FBLN5: variants seen among roughly 807,000 people sequenced by gnomAD.
FBLN5 encodes fibulin-5.
FBLN5 carries 24 observed loss-of-function variants against 61.6 expected under a neutral mutation model. The observed-to-expected ratio is 0.39, with a 90% CI of 0.28 to 0.55. FBLN5 has a LOEUF of 0.55. FBLN5 is among the 20% of genes least tolerant of loss of function. FBLN5 has a pLI of 0.65. For missense variants in FBLN5, 470 were observed against 594.1 expected, an observed-to-expected ratio of 0.79 and a Z score of 2.17; for synonymous variants, 213 against 219.8, an observed-to-expected ratio of 0.97 and a Z score of 0.27.
intron 5 of FBLN5, among the ~76,000 whole-genome samples, chr14:91,892,607 G>C (rs1258073887): frequency 6.6e-6 from 1 of 152,226 alleles, no homozygotes; most frequent in Non-Finnish European, 1.5e-5. Flanking sequence ...AGCAGCTCTT[G>C]CATAGAGGGC....
chr14:91,915,416 T>TG (rs1566817997), intron 4 of FBLN5, among the ~76,000 whole-genome samples: 1 of 152,036 alleles, frequency 6.6e-6, no homozygotes, highest in African/African-American at 2.4e-5. Flanking sequence ...CCAAGCACGG[T>TG]GGCTCACGCC....
intron 4 of FBLN5, among the ~76,000 whole-genome samples, chr14:91,936,039 T>C (rs1313508282): frequency 6.6e-6 from 1 of 152,314 alleles, no homozygotes; most frequent in East Asian, 1.9e-4. Context: ...TATAAGCATA[T>C]AGAAGACACC....
intron 4 of FBLN5, among the ~76,000 whole-genome samples, chr14:91,921,991 C>G (rs892041569): frequency 9.2e-5 from 14 of 152,118 alleles, no homozygotes; most frequent in Admixed American, 8.5e-4. Context: ...AGTCATGGAG[C>G]CCTTCCACAT....
At chr14:91,946,001 C>T (rs1415010572) in intron 1 of FBLN5, among the ~76,000 whole-genome samples, 2 of 152,200 alleles carry the variant, frequency 1.3e-5, no homozygotes, top group African/African-American at 2.4e-5. Flanking sequence ...AACCCTGTCT[C>T]GTTTATGTTG....
At chr14:91,877,883 T>C (rs1360847618) in intron 9 of FBLN5, 1 of 662,554 alleles carries the variant, frequency 1.5e-6, no homozygotes, top group African/African-American at 1.8e-5. Context: ...GAGAATGGAC[T>C]TTTCTCACCA....
At chr14:91,909,153 G>A (rs1280602316) in intron 4 of FBLN5, among the ~76,000 whole-genome samples, 4 of 152,024 alleles carry the variant, frequency 2.6e-5, no homozygotes, top group Admixed American at 6.6e-5. Context: ...TCCTGACCTC[G>A]TGATCCGCCT....
chr14:91,910,491 C>T (rs772980009), intron 4 of FBLN5, among the ~76,000 whole-genome samples: 5 of 152,168 alleles, frequency 3.3e-5, no homozygotes, highest in South Asian at 2.1e-4. Context: ...CACTTGAAAA[C>T]GGTCAAGATA....
At chr14:91,880,635 C>T (rs1458175269) in intron 9 of FBLN5, among the ~76,000 whole-genome samples, 2 of 152,028 alleles carry the variant, frequency 1.3e-5, no homozygotes, top group Non-Finnish European at 2.9e-5. Flanking sequence ...GTACCCTCCT[C>T]CTCCCAGGTT....
intron 6 of FBLN5, 96 bp from the exon 7 acceptor site, chr14:91,887,408 C>CTGGG: frequency 7.9e-7 from 1 of 1,269,734 alleles, no homozygotes; most frequent in Non-Finnish European, 1.1e-6. Context: ...CTACCACCAC[C>CTGGG]AGGAGACCAG....
chr14:91,883,468 T>C (rs1477749505), intron 7 of FBLN5, among the ~76,000 whole-genome samples: 1 of 149,744 alleles, frequency 6.7e-6, no homozygotes, highest in African/African-American at 2.5e-5. Context: ...TTTCTGGGGG[T>C]TTCCCAAAAA....
intron 7 of FBLN5, among the ~76,000 whole-genome samples, chr14:91,885,747 T>G (rs1326723569): frequency 3.9e-5 from 6 of 152,202 alleles, no homozygotes; most frequent in Non-Finnish European, 8.8e-5. Flanking sequence ...ATATGGCCTA[T>G]GCAGTAGGGC....
At chr14:91,877,709 C>T in intron 9 of FBLN5, 27 bp from the exon 10 acceptor site, 2 of 1,590,048 alleles carry the variant, frequency 1.3e-6, no homozygotes, top group Admixed American at 3.3e-5. Context: ...CACGTGAGAA[C>T]TCAAGAAATC....
At chr14:91,922,304 T>C (rs1404152556) in intron 4 of FBLN5, among the ~76,000 whole-genome samples, 1 of 140,044 alleles carries the variant, frequency 7.1e-6, no homozygotes, top group Admixed American at 7.5e-5. Context: ...AAAATAATAA[T>C]AATAATAAAG....
intron 5 of FBLN5, among the ~76,000 whole-genome samples, chr14:91,893,554 T>G (rs969062456): frequency 6.6e-6 from 1 of 152,224 alleles, no homozygotes; most frequent in African/African-American, 2.4e-5. Context: ...AGGACTGACT[T>G]TCAGGCAACA....
At chr14:91,912,793 G>C (rs1352971222) in intron 4 of FBLN5, among the ~76,000 whole-genome samples, 1 of 146,088 alleles carries the variant, frequency 6.8e-6, no homozygotes, top group Non-Finnish European at 1.5e-5. Flanking sequence ...CTGGGTGACA[G>C]AGTGAGACTC....
At chr14:91,924,545 G>C (rs1170774279) in intron 4 of FBLN5, among the ~76,000 whole-genome samples, 1 of 151,990 alleles carries the variant, frequency 6.6e-6, no homozygotes, top group Non-Finnish European at 1.5e-5. Flanking sequence ...AAAAATAGCT[G>C]GTAGCACACA....
chr14:91,905,243 T>A (rs1303936566), intron 4 of FBLN5, among the ~76,000 whole-genome samples: 1 of 152,106 alleles, frequency 6.6e-6, no homozygotes, highest in African/African-American at 2.4e-5. Flanking sequence ...CTGGTACACA[T>A]CAGTGACCTT....
chr14:91,891,364 A>G lies in FBLN5; in HGVS notation c.503-27T>C, dbSNP rs947347894. The G allele has an allele frequency of 3.5e-6, 5 of 1,422,100 alleles. No individual in the cohort carries two copies. In the African/African-American group the frequency reaches 7.0e-5, roughly 20 times the overall value. 88.1% of individuals were successfully genotyped at this position (1,422,100 alleles called of 1,614,324 possible). On this transcript the variant is annotated intron_variant, in intron 5 of 10. Coordinates refer to ENST00000342058, the MANE Select transcript of FBLN5 (RefSeq NM_006329.4). ...TGGAAACAGAAATGCAAGCAAAGTG[A>G]GACAGGTCTCCTCACTCAATGATGC... is the stretch of plus-strand genomic sequence containing the variant.
chr14:91,883,161 A>G, intron 7 of FBLN5, 85 bp from the exon 8 acceptor site: 1 of 1,478,166 alleles, frequency 6.8e-7, no homozygotes, highest in Middle Eastern at 1.7e-4. Context: ...CAACTCTCAC[A>G]CTGTCTTGAT....
Sources: gnomAD v4.1 joint callset for allele counts (sites outside exome capture counted in the v4.1 genomes callset) on GRCh38, gnomAD v4.1.1 for gene constraint, MANE v1.5 for transcripts, NCBI Gene and HGNC (gene_info 2026-07-23, HGNC 2026-07-21) for gene names.